PEAK1: variants seen among roughly 807,000 people sequenced by gnomAD.
PEAK1 encodes the protein pseudopodium enriched atypical kinase 1, also known as inactive tyrosine-protein kinase PEAK1.
A neutral mutation model predicts 124.7 loss-of-function variants in PEAK1; 54 were observed. The observed-to-expected ratio is 0.43, with a 90% confidence interval of 0.35 to 0.54. The LOEUF (loss-of-function observed/expected upper bound fraction) is 0.54. Ranked by LOEUF, PEAK1 falls within the 20% of genes least tolerant of loss-of-function variation. The pLI, the probability that PEAK1 is intolerant of heterozygous loss-of-function variation, is 0.01. For missense variants in PEAK1, 2,046 were observed against 2,134.5 expected, an observed-to-expected ratio of 0.96 and a Z score of 0.82; for synonymous variants, 719 against 760.0, an observed-to-expected ratio of 0.95 and a Z score of 0.89.
chr15:77,208,035 C>T (rs2058743972), intron 6 of PEAK1, among the ~76,000 whole-genome samples: 1 of 152,150 alleles, frequency 6.6e-6, no homozygotes, highest in Non-Finnish European at 1.5e-5. Flanking sequence ...TTCCCCAAGA[C>T]TTTCAACAGA....
chr15:77,158,454 A>G, intron 8 of PEAK1, 49 bp downstream of exon 8: 3 of 1,527,180 alleles, frequency 2.0e-6, no homozygotes, highest in Non-Finnish European at 2.7e-6. Context: ...TTTGGCTAGT[A>G]CAGAAAAAGG....
intron 5 of PEAK1, among the ~76,000 whole-genome samples, chr15:77,257,652 A>G (rs1236923488): frequency 4.6e-5 from 7 of 151,590 alleles, no homozygotes; most frequent in African/African-American, 9.7e-5. Flanking sequence ...AGTAGGTTGC[A>G]AAAATTCTCT....
chr15:77,390,117 A>G (rs942327293), intron 1 of PEAK1, among the ~76,000 whole-genome samples: 3 of 152,228 alleles, frequency 2.0e-5, no homozygotes, highest in Non-Finnish European at 4.4e-5. Flanking sequence ...TCAAACCCAG[A>G]TAACAGTAAA....
At chr15:77,380,253 T>C (rs1484188926) in intron 1 of PEAK1, among the ~76,000 whole-genome samples, 2 of 152,124 alleles carry the variant, frequency 1.3e-5, no homozygotes, top group Non-Finnish European at 2.9e-5. Context: ...GGTTATGTAA[T>C]AATACAGGCC....
At chr15:77,417,672 G>T in intron 1 of PEAK1, 1 of 985,398 alleles carries the variant, frequency 1.0e-6, no homozygotes, top group Non-Finnish European at 1.2e-6. Context: ...GATTTGGCAG[G>T]TATCAACACA....
intron 8 of PEAK1, among the ~76,000 whole-genome samples, chr15:77,150,784 T>C (rs2054553291): frequency 6.6e-6 from 1 of 151,620 alleles, no homozygotes; most frequent in African/African-American, 2.4e-5. Context: ...GTCCTTGCAA[T>C]AGTTTGCTGA....
chr15:77,144,176 A>C (rs571305546), intron 8 of PEAK1, among the ~76,000 whole-genome samples: 1 of 152,338 alleles, frequency 6.6e-6, no homozygotes, highest in South Asian at 2.1e-4. Flanking sequence ...CAGCTAGAGA[A>C]TGAAGTTCAA....
intron 8 of PEAK1, chr15:77,156,853 T>G (rs1285870983): frequency 6.6e-6 from 1 of 152,212 alleles, no homozygotes; most frequent in Admixed American, 6.5e-5. Flanking sequence ...TTTCATTTTA[T>G]AATATGCCTC....
chr15:77,255,035 T>C lies in PEAK1; in HGVS notation c.-274-2509A>G, dbSNP rs74025103. Among the ~76,000 whole-genome samples the C allele has an allele frequency of 4.8e-3, 737 of 152,286 alleles. 8 individuals carry two copies. Among genetic ancestry groups the C allele is most frequent in the African/African-American group, 0.016 (661 of 41,566 alleles). ...CTGAGGAGATGATGCCAAGTTGAAATTGAATAAAATGAGCCAGACATGTAA... is the reference window on the plus strand; with the variant it reads ...CTGAGGAGATGATGCCAAGTTGAAACTGAATAAAATGAGCCAGACATGTAA... On this transcript the variant is annotated intron_variant, in intron 5 of 9. Coordinates refer to ENST00000682557, the MANE Select transcript of PEAK1 (RefSeq NM_001385026.1).
chr15:77,313,740 ATTTATT>A (rs2064682828), intron 2 of PEAK1, among the ~76,000 whole-genome samples: 2 of 142,770 alleles, frequency 1.4e-5, no homozygotes, highest in African/African-American at 2.6e-5. Context: ...ATATATATAT[ATTTATT>A]TATTTATTTA....
chr15:77,261,015 C>A (rs891457656), intron 5 of PEAK1, among the ~76,000 whole-genome samples: 1 of 152,220 alleles, frequency 6.6e-6, no homozygotes, highest in African/African-American at 2.4e-5. Flanking sequence ...CAAACAGCAT[C>A]TGGAGAGGAC....
chr15:77,220,470 T>C (rs1226118126), intron 6 of PEAK1, among the ~76,000 whole-genome samples: 2 of 148,544 alleles, frequency 1.3e-5, no homozygotes, highest in African/African-American at 2.5e-5. Flanking sequence ...TAAAATTAAT[T>C]ATAATGTTGC....
At chr15:77,250,832 G>A (rs559024019) in intron 6 of PEAK1, among the ~76,000 whole-genome samples, 2 of 152,138 alleles carry the variant, frequency 1.3e-5, no homozygotes, top group Non-Finnish European at 2.9e-5. Flanking sequence ...GCCTCCCAAA[G>A]TGCTGGGATT....
intron 1 of PEAK1, among the ~76,000 whole-genome samples, chr15:77,382,893 GACT>G (rs1567333490): frequency 6.6e-6 from 1 of 151,878 alleles, no homozygotes; most frequent in South Asian, 2.1e-4. Context: ...TGAATATTCA[GACT>G]ACTACTAAAA....
intron 1 of PEAK1, among the ~76,000 whole-genome samples, chr15:77,410,541 A>AT (rs2072324712): frequency 6.6e-6 from 1 of 152,358 alleles, no homozygotes; most frequent in African/African-American, 2.4e-5. Context: ...AAAATTTTTA[A>AT]TATCTTCAGC....
At chr15:77,266,487 T>C (rs1323044602) in intron 5 of PEAK1, among the ~76,000 whole-genome samples, 1 of 152,068 alleles carries the variant, frequency 6.6e-6, no homozygotes, top group South Asian at 2.1e-4. Context: ...CCTTTCCCCC[T>C]GCCAGGATAC....
chr15:77,265,103 T>C (rs2061649630), intron 5 of PEAK1, among the ~76,000 whole-genome samples: 2 of 152,040 alleles, frequency 1.3e-5, no homozygotes, highest in Admixed American at 1.3e-4. Context: ...CAAAAATCAA[T>C]TCAAGATGGA....
intron 1 of PEAK1, among the ~76,000 whole-genome samples, chr15:77,382,619 T>C (rs2069576698): frequency 6.6e-6 from 1 of 152,176 alleles, no homozygotes; most frequent in South Asian, 2.1e-4. Context: ...AACTAGGGAA[T>C]GCTTGCCACA....
chr15:77,281,447 T>C (rs2062669639), intron 5 of PEAK1, among the ~76,000 whole-genome samples: 5 of 152,186 alleles, frequency 3.3e-5, no homozygotes. Context: ...ACTAGCAATG[T>C]ATTATACTAC....
Sources: gnomAD v4.1 joint callset for allele counts (sites outside exome capture counted in the v4.1 genomes callset) on GRCh38, gnomAD v4.1.1 for gene constraint, MANE v1.5 for transcripts, NCBI Gene and HGNC (gene_info 2026-07-23, HGNC 2026-07-21) for gene names.